Variants in TUBA1C observed in about 807,000 individuals in gnomAD.
TUBA1C encodes tubulin alpha 1c.
TUBA1C carries 16 observed loss-of-function variants against 34.9 expected under a neutral mutation model. The observed-to-expected ratio is 0.46, with a 90% CI of 0.31 to 0.70. The LOEUF is 0.70. Ranked by LOEUF, TUBA1C falls within the 30% of genes least tolerant of loss-of-function variation. The pLI, the probability that TUBA1C is intolerant of heterozygous loss-of-function variation, is 0.05. For synonymous variants in TUBA1C, 177 were observed against 215.9 expected (o/e 0.82, Z 1.58); for missense variants, 329 against 587.3 (o/e 0.56, Z 4.55).
chr12:49,265,016 G>A, upstream of TUBA1C: 1 of 1,046,076 alleles, frequency 9.6e-7, no homozygotes, highest in Non-Finnish European at 1.2e-6. Context: ...GGGGTCTGGG[G>A]CCCGCCCTCC....
chr12:49,257,591 G>C (rs995150240), intron 1 of TUBA1C, among the ~76,000 whole-genome samples: 4 of 151,838 alleles, frequency 2.6e-5, no homozygotes, highest in African/African-American at 9.7e-5. Context: ...AGACAGTCTG[G>C]ACAACAGCAA....
In TUBA1C at chr12:49,273,485, A is replaced by G; in HGVS notation, c.*258A>G. On this transcript the variant is annotated 3_prime_UTR_variant, in exon 4 of 4. Transcript: ENST00000301072. ...GCTCATTGCAGCCTCGAGCTCCTGGACTCATGTGATTCTCCTGCTTCAGCC... is the reference window on the plus strand; with the variant it reads ...GCTCATTGCAGCCTCGAGCTCCTGGGCTCATGTGATTCTCCTGCTTCAGCC... 1.9e-6 allele frequency: 1 copy of G among 536,924 alleles called. No homozygotes were observed. Among genetic ancestry groups the G allele is most frequent in the South Asian group, 2.0e-5 (1 of 49,566 alleles). The allele number at this position is 536,924 out of a possible 1,614,324, so 33.3% of individuals were successfully genotyped here. A position where few individuals can be genotyped will look rare whatever the true frequency, so the allele number is the denominator to read the frequency against.
chr12:49,251,357 A>C (rs548736422), intron 1 of TUBA1C, among the ~76,000 whole-genome samples: 1 of 152,352 alleles, frequency 6.6e-6, no homozygotes, highest in Non-Finnish European at 1.5e-5. Context: ...TTCCCAATTT[A>C]TTCTATAAAT....
chr12:49,233,514 G>C (rs529905712), intron 1 of TUBA1C: 1 of 152,262 alleles, frequency 6.6e-6, no homozygotes, highest in East Asian at 1.9e-4. Flanking sequence ...TCCATCTCCA[G>C]GGCCTCAAGG....
rs573076720 is a variant in TUBA1C at position 49,230,097 on chromosome 12, T to C, written c.213+1931T>C. On this transcript the variant is annotated intron_variant, in intron 1 of 3. Transcript: ENST00000541364. ...CAACATCCTGGCCTTTTTTTTTTTTTTCTTTTTTAGAACAGTCTATGCCTT... is the reference window on the plus strand; with the variant it reads ...CAACATCCTGGCCTTTTTTTTTTTTCTCTTTTTTAGAACAGTCTATGCCTT... Among the ~76,000 whole-genome samples the C allele has an allele frequency of 9.9e-5, 15 of 152,258 alleles. No homozygotes were observed. The South Asian group carries it at 3.1e-3, about 32-fold the overall frequency.
chr12:49,271,714 T>G (rs1253465721), intron 3 of TUBA1C, among the ~76,000 whole-genome samples: 3 of 152,158 alleles, frequency 2.0e-5, no homozygotes, highest in African/African-American at 7.2e-5. Flanking sequence ...TTACAAGACA[T>G]CCACTGTACC....
chr12:49,250,637 G>T (rs184822116), intron 1 of TUBA1C, among the ~76,000 whole-genome samples: 6 of 152,126 alleles, frequency 3.9e-5, no homozygotes, highest in Non-Finnish European at 2.9e-5. Flanking sequence ...ATGGGGCCAG[G>T]CATGGTGGCT....
chr12:49,270,605 G>C (rs1942977700), intron 3 of TUBA1C, among the ~76,000 whole-genome samples: 2 of 152,212 alleles, frequency 1.3e-5, no homozygotes, highest in African/African-American at 4.8e-5. Context: ...AAATAGAATA[G>C]CCTCATCATT....
upstream of TUBA1C, among the ~76,000 whole-genome samples, chr12:49,264,011 G>C (rs1338752110): frequency 6.6e-6 from 1 of 152,062 alleles, no homozygotes; most frequent in Non-Finnish European, 1.5e-5. Context: ...ACGAGGTCAA[G>C]AGATCGAGAC....
intron 1 of TUBA1C, among the ~76,000 whole-genome samples, chr12:49,244,837 C>A (rs979018166): frequency 6.6e-6 from 1 of 152,118 alleles, no homozygotes; most frequent in East Asian, 1.9e-4. Context: ...GCTCAGACCT[C>A]CTGACAAATA....
chr12:49,261,733 GA>G (rs1207928627), upstream of TUBA1C, among the ~76,000 whole-genome samples: 1 of 151,730 alleles, frequency 6.6e-6, no homozygotes, highest in African/African-American at 2.4e-5. Context: ...GAGTTAGGCT[GA>G]AAAAAAATAA....
chr12:49,248,664 C>T (rs924862056), intron 1 of TUBA1C, among the ~76,000 whole-genome samples: 4 of 151,026 alleles, frequency 2.6e-5, no homozygotes, highest in African/African-American at 2.4e-5. Context: ...GAGATCGAGA[C>T]CATCCTGGCT....
At chr12:49,255,405 A>AATATATATATATATATATATATATATAT (rs142218984) in intron 1 of TUBA1C, among the ~76,000 whole-genome samples, 1 of 141,314 alleles carries the variant, frequency 7.1e-6, no homozygotes, top group African/African-American at 2.6e-5. Context: ...ATCTTTAAAA[A>AATATATATATATATATATATATATATAT]ATATATATAT....
intron 1 of TUBA1C, among the ~76,000 whole-genome samples, chr12:49,257,353 T>G (rs1318604794): frequency 6.6e-6 from 1 of 152,046 alleles, no homozygotes; most frequent in Non-Finnish European, 1.5e-5. Flanking sequence ...CTCATAGGAT[T>G]ATCGTGAAGA....
At chr12:49,228,203 A>G (rs1228249151) in intron 1 of TUBA1C, 1 of 1,527,548 alleles carries the variant, frequency 6.5e-7, no homozygotes, top group East Asian at 2.4e-5. Flanking sequence ...AAATAGCTTC[A>G]TCATGCACGG....
chr12:49,239,560 GA>G (rs1195895750), intron 1 of TUBA1C, among the ~76,000 whole-genome samples: 1 of 151,388 alleles, frequency 6.6e-6, no homozygotes, highest in Non-Finnish European at 1.5e-5. Context: ...AGAATTACTT[GA>G]ACCCATGAGG....
intron 1 of TUBA1C, among the ~76,000 whole-genome samples, chr12:49,254,120 T>C (rs1473371785): frequency 6.6e-6 from 1 of 152,020 alleles, no homozygotes; most frequent in African/African-American, 2.4e-5. Context: ...GAGACCAGCC[T>C]GACCAACACG....
intron 1 of TUBA1C, among the ~76,000 whole-genome samples, chr12:49,232,046 A>G (rs1257477022): frequency 6.6e-6 from 1 of 152,182 alleles, no homozygotes; most frequent in Admixed American, 6.6e-5. Context: ...GGCCTGACAG[A>G]AGGAGGACAA....
chr12:49,268,828 CAGA>C (rs1942950444), intron 1 of TUBA1C, among the ~76,000 whole-genome samples: 1 of 151,964 alleles, frequency 6.6e-6, no homozygotes, highest in African/African-American at 2.4e-5. Context: ...AAAGCGGGAC[CAGA>C]ATGAGCTCAG....
Sources: allele counts gnomAD v4.1 joint callset (sites outside exome capture counted in the v4.1 genomes callset), GRCh38; gene constraint gnomAD v4.1.1; transcripts MANE v1.5; gene names NCBI Gene and HGNC (gene_info 2026-07-23, HGNC 2026-07-21).